Variants in DGKZ observed in about 807,000 individuals in gnomAD.
DGKZ encodes DAG kinase zeta.
Under a neutral mutation model 142.5 loss-of-function variants are expected in DGKZ, and 45 were observed. That is an observed-to-expected ratio of 0.32 (90% CI 0.25 to 0.40). DGKZ has a LOEUF of 0.40. DGKZ is among the 10% of genes least tolerant of loss of function. The pLI, the probability that DGKZ is intolerant of heterozygous loss-of-function variation, is 1.00. For synonymous variants in DGKZ, 442 were observed against 527.0 expected, an observed-to-expected ratio of 0.84 and a Z score of 2.21; for missense variants, 755 against 1,306.5, an observed-to-expected ratio of 0.58 and a Z score of 6.51.
intron 1 of DGKZ, among the ~76,000 whole-genome samples, chr11:46,349,018 A>C (rs547464341): frequency 1.3e-5 from 2 of 152,298 alleles, no homozygotes; most frequent in Middle Eastern, 3.4e-3. Flanking sequence ...TTACCCACCA[A>C]TAACATGGGC....
At chr11:46,345,273 C>T, upstream of DGKZ, 2 of 1,359,248 alleles carry the variant, frequency 1.5e-6, no homozygotes, top group Non-Finnish European at 1.9e-6. The surrounding 1 kb of genome is among the most constrained non-coding windows in gnomAD (Gnocchi z 4.1). Flanking sequence ...CGGCAGCTGG[C>T]CCCAGCCAGC....
At chr11:46,373,047 T>A in exon 14 of DGKZ, 21 of 1,542,872 alleles carry the variant, frequency 1.4e-5, no homozygotes, top group Non-Finnish European at 1.8e-5. Flanking sequence ...ACCTCCACGC[T>A]GAGCCCAACC....
At chr11:46,349,652 C>T (rs1045466260) in intron 1 of DGKZ, among the ~76,000 whole-genome samples, 3 of 152,194 alleles carry the variant, frequency 2.0e-5, no homozygotes, top group South Asian at 2.1e-4. Flanking sequence ...CCTCCCACCT[C>T]GGACTCCCAA....
intron 1 of DGKZ, chr11:46,364,939 C>A: frequency 1.0e-6 from 1 of 985,460 alleles, no homozygotes; most frequent in Non-Finnish European, 1.2e-6. Context: ...TCCCCAGGAC[C>A]AGGGCCCAGG....
chr11:46,358,342 C>T (rs771004386), intron 1 of DGKZ, among the ~76,000 whole-genome samples: 2 of 152,132 alleles, frequency 1.3e-5, no homozygotes, highest in Non-Finnish European at 2.9e-5. Context: ...TATAAGGCAC[C>T]TTTGCTGCAA....
chr11:46,363,835 G>A (rs984871826), intron 1 of DGKZ, among the ~76,000 whole-genome samples: 1 of 152,216 alleles, frequency 6.6e-6, no homozygotes, highest in Non-Finnish European at 1.5e-5. Flanking sequence ...ACGGCAGGGG[G>A]CAGTTGGGCC....
intron 1 of DGKZ, among the ~76,000 whole-genome samples, chr11:46,357,124 C>A (rs1942119756): frequency 6.6e-6 from 1 of 152,148 alleles, no homozygotes; most frequent in African/African-American, 2.4e-5. Flanking sequence ...GTTGCGCAAA[C>A]ATCTCTTTGA....
intron 1 of DGKZ, among the ~76,000 whole-genome samples, chr11:46,353,665 T>C (rs1295152277): frequency 6.6e-6 from 1 of 152,154 alleles, no homozygotes; most frequent in East Asian, 1.9e-4. Context: ...GGTCGGTGGC[T>C]GGTCTGGGGC....
intron 1 of DGKZ, among the ~76,000 whole-genome samples, chr11:46,350,621 G>A (rs1377006261): frequency 1.3e-5 from 2 of 152,288 alleles, no homozygotes; most frequent in Admixed American, 1.3e-4. Flanking sequence ...TCTGCATGCG[G>A]GCCCTGGCTC....
exon 22 of DGKZ, chr11:46,376,139 C>G (rs753291323): frequency 2.5e-6 from 4 of 1,611,166 alleles, no homozygotes; most frequent in South Asian, 2.2e-5. Context: ...TTGAGAGACT[C>G]CAGCAGGTAA....
Position 46,376,574 on chromosome 11 carries a change from T to G in DGKZ, c.2202+10T>G. 6.2e-7 allele frequency: 1 copy of G among 1,613,272 alleles called. No individual in the cohort carries two copies. The highest frequency in any genetic ancestry group is 1.7e-5 in the Admixed American group (1 of 60,028). Reference sequence around the variant, plus strand: ...GATCGACCGAGCCCAGGTGAGCGATTGCAGGCCTGCTCCAGCCACAGCTGC... The same window carrying G: ...GATCGACCGAGCCCAGGTGAGCGATGGCAGGCCTGCTCCAGCCACAGCTGC... On this transcript the variant is annotated intron_variant, in intron 24 of 30. Transcript: ENST00000527911.
chr11:46,352,374 C>G (rs536616708), intron 1 of DGKZ, among the ~76,000 whole-genome samples: 1 of 152,318 alleles, frequency 6.6e-6, no homozygotes, highest in African/African-American at 2.4e-5. Context: ...CACAGGCCCA[C>G]GGGGACCCAC....
In DGKZ at chr11:46,367,318, G is replaced by A. The variant is rs775057820; in HGVS notation, c.189G>A (p.Gln63=). 6.2e-7 allele frequency: 1 copy of A among 1,612,662 alleles called. No individual in the cohort carries two copies. Among genetic ancestry groups the A allele is most frequent in the Admixed American group, 1.7e-5 (1 of 60,022 alleles). ...AAGCCATCACCAAGTCGGGCCTCCA[G>A]CACCTGGCCCCCCCTCCGCCCACCC... Residue 63 remains glutamine (Q), a synonymous_variant, in exon 2 of 31, where the codon CAG becomes CAA. Transcript: ENST00000527911. This position sits in a 1 kb window ranked among gnomAD's most constrained non-coding sequence, Gnocchi z 4.1.
At chr11:46,371,949 G>C (rs1943993390) in intron 9 of DGKZ, 126 bp from the exon 10 acceptor site, 1 of 1,239,740 alleles carries the variant, frequency 8.1e-7, no homozygotes, top group Admixed American at 2.0e-5. Context: ...GGCCTGGTAA[G>C]ATCTGGCCCA....
intron 1 of DGKZ, among the ~76,000 whole-genome samples, chr11:46,363,167 G>A (rs988992601): frequency 1.1e-4 from 16 of 152,210 alleles, no homozygotes; most frequent in African/African-American, 3.1e-4. Context: ...GGCCCAGGGC[G>A]GGCTCCAACA....
At chr11:46,371,546 G>A (rs368560908) in exon 8 of DGKZ, 4 of 1,610,848 alleles carry the variant, frequency 2.5e-6, no homozygotes, top group Non-Finnish European at 3.4e-6. Context: ...GCTCGCTGGG[G>A]GTCCACGCAG....
intron 24 of DGKZ, chr11:46,376,820 C>T (rs1042675340): frequency 1.6e-5 from 10 of 639,118 alleles, no homozygotes; most frequent in East Asian, 2.7e-5. Context: ...GCCTGGAAGC[C>T]CAGAGCCATC....
At chr11:46,361,096 T>C (rs1259803471) in intron 1 of DGKZ, among the ~76,000 whole-genome samples, 2 of 152,248 alleles carry the variant, frequency 1.3e-5, no homozygotes, top group African/African-American at 4.8e-5. Context: ...GCCTCCCGTT[T>C]GTAATGCTGG....
At position 46,366,696 on chromosome 11, in the gene DGKZ, G is replaced by A. The variant is rs1393412919; in HGVS notation, c.162-595G>A. ...AAGACACCAGGGCCACCCCCACCTCGGGGCGCCCAGCCGCTGTTGCCCCTA... is the reference window on the plus strand; with the variant it reads ...AAGACACCAGGGCCACCCCCACCTCAGGGCGCCCAGCCGCTGTTGCCCCTA... On this transcript the variant is annotated intron_variant, in intron 1 of 30. Transcript: ENST00000527911. The A allele has an allele frequency of 1.9e-6, 3 of 1,566,214 alleles. No individual in the cohort carries two copies. The highest frequency in any genetic ancestry group is 1.7e-6 in the Non-Finnish European group (2 of 1,156,404).
Sources: allele counts gnomAD v4.1 joint callset (sites outside exome capture counted in the v4.1 genomes callset), GRCh38; gene constraint gnomAD v4.1.1; non-coding constraint Gnocchi (gnomAD v3.1); transcripts MANE v1.5; gene names NCBI Gene and HGNC (gene_info 2026-07-23, HGNC 2026-07-21).